C13orf46: variants seen among roughly 807,000 people sequenced by gnomAD.
C13orf46 encodes the protein chromosome 13 open reading frame 46.
chr13:113,953,717 C>A lies in C13orf46; in HGVS notation c.*3056G>T, dbSNP rs922990227. On this transcript the variant is annotated 3_prime_UTR_variant, in exon 7 of 7. Transcript: ENST00000636427. ...GAATACACGGGTGGACAGACTCATG[C>A]CGATGTTTGCTCTGTGGGGGAGGGT... is the stretch of plus-strand genomic sequence containing the variant. 1 of 152,270 alleles carries A rather than the reference C, an allele frequency of 6.6e-6. No individual in the cohort carries two copies. Among genetic ancestry groups the A allele is most frequent in the South Asian group, 2.1e-4 (1 of 4,832 alleles). The allele number at this position is 152,270 out of a possible 1,614,324, so 9.4% of individuals were successfully genotyped here.
In C13orf46 at chr13:113,956,527, G is replaced by A. The variant is rs1369497054; in HGVS notation, c.*246C>T. 2.0e-5 allele frequency: 3 copies of A among 153,026 alleles called. No homozygotes were observed. Among genetic ancestry groups the A allele is most frequent in the Non-Finnish European group, 2.9e-5 (2 of 68,680 alleles). 9.5% of individuals were successfully genotyped at this position (153,026 alleles called of 1,614,324 possible). A position where few individuals can be genotyped will look rare whatever the true frequency, so the allele number is the denominator to read the frequency against. ...GTGGCTCACACCTGGTGTGGTCATCGGCACCCCAGCGTTGCTCAGAGCTGG... is the reference window on the plus strand; with the variant it reads ...GTGGCTCACACCTGGTGTGGTCATCAGCACCCCAGCGTTGCTCAGAGCTGG... On this transcript the variant is annotated 3_prime_UTR_variant, in exon 7 of 7. Transcript: ENST00000636427.
the C13orf46 span, among the ~76,000 whole-genome samples, chr13:113,937,813 C>CA: frequency 6.6e-6 from 1 of 152,078 alleles, no homozygotes; most frequent in East Asian, 1.9e-4. Flanking sequence ...ACGGAATGCA[C>CA]AATTTACAGG....
At chr13:113,972,535 C>T (rs1183213535) in intron 1 of C13orf46, among the ~76,000 whole-genome samples, 1 of 152,196 alleles carries the variant, frequency 6.6e-6, no homozygotes, top group Non-Finnish European at 1.5e-5. Flanking sequence ...TCCGTGTCAG[C>T]CCCTCAGCCC....
intron 6 of C13orf46, among the ~76,000 whole-genome samples, chr13:113,959,567 G>A (rs1053102308): frequency 6.6e-6 from 1 of 152,192 alleles, no homozygotes; most frequent in Non-Finnish European, 1.5e-5. Context: ...CTTCTAGATG[G>A]GAGGGGTTCA....
chr13:113,927,603 GGAGT>G, the C13orf46 span: 1 of 398,700 alleles, frequency 2.5e-6, no homozygotes, highest in Non-Finnish European at 4.4e-6. Flanking sequence ...CCTACGGTGG[GGAGT>G]GAGCCTTGCT....
chr13:113,959,355 GATGTGTGAGGTTGTCTGATTGGGTAGA>G (rs1252821677), intron 6 of C13orf46, among the ~76,000 whole-genome samples: 18 of 152,214 alleles, frequency 1.2e-4, no homozygotes, highest in Admixed American at 1.2e-3. Flanking sequence ...GATTGGCTAG[GATGTGTGAGGTTGTCTGATTGGGTAGA>G]ATGTGTGAGG....
the C13orf46 span, among the ~76,000 whole-genome samples, chr13:113,945,959 C>T: frequency 5.3e-5 from 8 of 152,018 alleles, no homozygotes; most frequent in Non-Finnish European, 1.0e-4. Flanking sequence ...GGCAGTAAAC[C>T]CACCGCCGCC....
chr13:113,952,352 C>T (rs898555178), downstream of C13orf46, among the ~76,000 whole-genome samples: 7 of 148,316 alleles, frequency 4.7e-5, no homozygotes, highest in Non-Finnish European at 7.5e-5. Context: ...CCGCCGCTCC[C>T]GCCTGCCCAG....
chr13:113,942,248 C>A, the C13orf46 span, among the ~76,000 whole-genome samples: 1 of 152,206 alleles, frequency 6.6e-6, no homozygotes, highest in Non-Finnish European at 1.5e-5. Context: ...CAACACGCAG[C>A]CCGGGAGGAG....
the C13orf46 span, among the ~76,000 whole-genome samples, chr13:113,946,200 C>A: frequency 2.6e-5 from 4 of 152,338 alleles, no homozygotes; most frequent in Admixed American, 6.5e-5. Context: ...CCAGCGGAGA[C>A]CCTCACCTAG....
At chr13:113,929,753 G>A in the C13orf46 span, among the ~76,000 whole-genome samples, 3 of 152,216 alleles carry the variant, frequency 2.0e-5, no homozygotes, top group East Asian at 1.9e-4. Context: ...TGGGCAACCC[G>A]CTGCCAGTGG....
chr13:113,937,908 T>G, the C13orf46 span, among the ~76,000 whole-genome samples: 3 of 152,276 alleles, frequency 2.0e-5, no homozygotes, highest in South Asian at 2.1e-4. Context: ...ACGGGAGCAG[T>G]GGGGTGACTT....
At chr13:113,947,541 G>A in the C13orf46 span, among the ~76,000 whole-genome samples, 1 of 152,140 alleles carries the variant, frequency 6.6e-6, no homozygotes, top group Admixed American at 6.5e-5. Flanking sequence ...TACCTGAAAT[G>A]ATGGCCCAAG....
the C13orf46 span, among the ~76,000 whole-genome samples, chr13:113,931,223 C>T: frequency 6.6e-6 from 1 of 152,208 alleles, no homozygotes; most frequent in Non-Finnish European, 1.5e-5. Context: ...ACTCATTCTG[C>T]CTGTTTTAGG....
chr13:113,944,329 C>T, the C13orf46 span, among the ~76,000 whole-genome samples: 1 of 152,226 alleles, frequency 6.6e-6, no homozygotes, highest in African/African-American at 2.4e-5. Context: ...CCACCCCATT[C>T]TGATCCCGGC....
chr13:113,963,407 G>C (rs1440782347), intron 6 of C13orf46, among the ~76,000 whole-genome samples: 2 of 90,540 alleles, frequency 2.2e-5, no homozygotes, highest in Non-Finnish European at 4.5e-5. Flanking sequence ...CCTCAGCCTC[G>C]CCCCTGTCCT....
intron 6 of C13orf46, among the ~76,000 whole-genome samples, chr13:113,958,010 GGGGGATCTCCCCTA>G (rs2052555185): frequency 6.9e-6 from 1 of 145,712 alleles, no homozygotes; most frequent in Non-Finnish European, 1.5e-5. Context: ...CAAGCACACT[GGGGGATCTCCCCTA>G]CACTCTGCCT....
chr13:113,957,737 C>CCACA (rs2138978701), intron 6 of C13orf46, among the ~76,000 whole-genome samples: 4 of 137,538 alleles, frequency 2.9e-5, no homozygotes, highest in Admixed American at 1.4e-4. Context: ...CCCCTGCACT[C>CCACA]TGCCTGTACC....
Position 113,956,581 on chromosome 13 carries a change from G to A in C13orf46, c.*192C>T, listed in dbSNP as rs1566415183. Reference sequence around the variant, plus strand: ...GATCTTTAGCCCAAAGGCGCAGTCTGTGCTCTCGCTCCTTCCAGGCCTGGC... The same window carrying A: ...GATCTTTAGCCCAAAGGCGCAGTCTATGCTCTCGCTCCTTCCAGGCCTGGC... On this transcript the variant is annotated 3_prime_UTR_variant, in exon 7 of 7. Coordinates refer to ENST00000636427, the MANE Select transcript of C13orf46 (RefSeq NM_001365455.2). The A allele has an allele frequency of 6.6e-6, 1 of 152,526 alleles. No homozygotes were observed. Among genetic ancestry groups the A allele is most frequent in the African/African-American group, 2.4e-5 (1 of 41,446 alleles). 9.4% of individuals were successfully genotyped at this position (152,526 alleles called of 1,614,324 possible). A position where few individuals can be genotyped will look rare whatever the true frequency, so the allele number is the denominator to read the frequency against.
Sources: allele counts gnomAD v4.1 joint callset (sites outside exome capture counted in the v4.1 genomes callset), GRCh38; gene constraint gnomAD v4.1.1; transcripts MANE v1.5; gene names NCBI Gene and HGNC (gene_info 2026-07-23, HGNC 2026-07-21).